The following GNAI3 variants were observed in gnomAD, a reference collection of about 807,000 sequenced individuals.
GNAI3 encodes G protein subunit alpha i3.
GNAI3 carries 12 observed loss-of-function variants against 41.8 expected under a neutral mutation model. That is an observed-to-expected ratio of 0.29 (90% CI 0.18 to 0.47). The LOEUF is 0.47. Among genes scored for constraint, GNAI3 ranks in the 20% least tolerant of loss-of-function variants. The pLI, the probability that GNAI3 is intolerant of heterozygous loss-of-function variation, is 1.00. For synonymous variants in GNAI3, 132 were observed against 146.5 expected, an observed-to-expected ratio of 0.90 and a Z score of 0.71; for missense variants, 360 against 429.6, an observed-to-expected ratio of 0.84 and a Z score of 1.43.
chr1:109,554,371 A>G (rs1648088207), intron 1 of GNAI3, among the ~76,000 whole-genome samples: 1 of 152,066 alleles, frequency 6.6e-6, no homozygotes, highest in South Asian at 2.1e-4. Context: ...TTCCCTTTTC[A>G]TCACATCCAC....
At chr1:109,580,071 C>T (rs985731721) in intron 4 of GNAI3, among the ~76,000 whole-genome samples, 6 of 152,124 alleles carry the variant, frequency 3.9e-5, no homozygotes, top group East Asian at 1.9e-4. Context: ...GCTCCATCTC[C>T]GCTCACTGCA....
chr1:109,591,775 C>T (rs906347820), intron 7 of GNAI3: 13 of 375,412 alleles, frequency 3.5e-5, no homozygotes, highest in African/African-American at 6.2e-5. Flanking sequence ...ATTTTTTTAG[C>T]TGAAAAGTCT....
intron 7 of GNAI3, chr1:109,591,629 C>T: frequency 2.3e-6 from 1 of 443,690 alleles, no homozygotes; most frequent in African/African-American, 2.0e-5. Flanking sequence ...CATGTGCTAC[C>T]AAAGCAAGCA....
chr1:109,600,131 A>C lies in GNAI3; in HGVS notation c.*7809A>C, dbSNP rs1466725943. On this transcript the variant is annotated 3_prime_UTR_variant, in exon 9 of 9. Coordinates refer to ENST00000369851, the MANE Select transcript of GNAI3 (RefSeq NM_006496.4). ...AAATATTTGTTTCTGATCTGGTTAC[A>C]AAAAAAAAAAAAACTTGATGGCTTA... 1 of 75,026 alleles carries C rather than the reference A, an allele frequency of 1.3e-5. No homozygotes were observed. The highest frequency in any genetic ancestry group is 2.4e-5 in the Non-Finnish European group (1 of 42,262). The allele number at this position is 75,026 out of a possible 1,614,324, so 4.6% of individuals were successfully genotyped here.
chr1:109,557,224 C>T (rs1648179339), intron 1 of GNAI3, among the ~76,000 whole-genome samples: 1 of 152,202 alleles, frequency 6.6e-6, no homozygotes, highest in African/African-American at 2.4e-5. Flanking sequence ...TGTGAGTCAC[C>T]ATGCCTCGCC....
Position 109,593,858 on chromosome 1 carries a change from C to G in GNAI3, c.*1536C>G, listed in dbSNP as rs1233048484. On this transcript the variant is annotated 3_prime_UTR_variant, in exon 9 of 9. Transcript: ENST00000369851. ...ACAAATGAAGAGAATGCATTTTGAG[C>G]ATTTCAAATCAGTAGTTTGGGCAGT... is the stretch of plus-strand genomic sequence containing the variant. 6.6e-6 allele frequency: 1 copy of G among 152,554 alleles called. No individual in the cohort carries two copies. The highest frequency in any genetic ancestry group is 1.5e-5 in the Non-Finnish European group (1 of 68,026). The allele number at this position is 152,554 out of a possible 1,614,324, so 9.5% of individuals were successfully genotyped here. A position where few individuals can be genotyped will look rare whatever the true frequency, so the allele number is the denominator to read the frequency against.
intron 1 of GNAI3, among the ~76,000 whole-genome samples, chr1:109,555,561 G>A (rs954101248): frequency 9.9e-5 from 15 of 151,964 alleles, no homozygotes; most frequent in Admixed American, 2.6e-4. Flanking sequence ...CCCTGACTAC[G>A]CTATTCCTGT....
chr1:109,569,148 A>G (rs1351559173), intron 1 of GNAI3, among the ~76,000 whole-genome samples: 2 of 152,132 alleles, frequency 1.3e-5, no homozygotes, highest in Non-Finnish European at 2.9e-5. Context: ...CTTATATAGG[A>G]TATCCTTTAA....
chr1:109,586,684 T>G, intron 6 of GNAI3, 45 bp from the exon 7 acceptor site: 1 of 1,425,402 alleles, frequency 7.0e-7, no homozygotes, highest in African/African-American at 1.4e-5. Flanking sequence ...CTTAATCCAC[T>G]TTTACTATTT....
Position 109,548,803 on chromosome 1 carries a change from A to G in GNAI3, c.83A>G (p.Glu28Gly). 1 of 1,608,878 alleles carries G rather than the reference A, an allele frequency of 6.2e-7. No individual in the cohort carries two copies. Among genetic ancestry groups the G allele is most frequent in the Non-Finnish European group, 8.5e-7 (1 of 1,176,472 alleles). Residue 28 changes from glutamate to glycine, a missense_variant, in exon 1 of 9, where the codon GAA (glutamate) becomes GGA (glycine). Physicochemically the swap from Glu to Gly is moderately conservative, Grantham distance 98. Coordinates refer to ENST00000369851, the MANE Select transcript of GNAI3 (RefSeq NM_006496.4). ...GACCGCAACTTACGGGAGGACGGGGAAAAAGCGGCCAAAGAAGTGAAGCTG... is the reference window on the plus strand; with the variant it reads ...GACCGCAACTTACGGGAGGACGGGGGAAAAGCGGCCAAAGAAGTGAAGCTG... ...MIDRNLREDGEKAAKEVKLLL... is the reference protein window; with the variant it reads ...MIDRNLREDGGKAAKEVKLLL...
chr1:109,585,113 C>G (rs536093907), intron 5 of GNAI3, among the ~76,000 whole-genome samples: 11 of 152,320 alleles, frequency 7.2e-5, no homozygotes, highest in Admixed American at 3.3e-4. Flanking sequence ...ATGTAGGCCT[C>G]TAGTCACTAT....
At position 109,579,197 on chromosome 1, in the gene GNAI3, T is replaced by C. The variant is rs1648829148; in HGVS notation, c.304-7T>C. ...TCATCTGTCTCTTTCTTAACTGCTT[T>C]CTTCAGGATGATGCCCGGCAATTAT... On this transcript the variant is annotated splice_region_variant and splice_polypyrimidine_tract_variant and intron_variant, in intron 3 of 8. Transcript: ENST00000369851. 6.2e-7 allele frequency: 1 copy of C among 1,605,864 alleles called. No individual in the cohort carries two copies. Among genetic ancestry groups the C allele is most frequent in the Non-Finnish European group, 8.5e-7 (1 of 1,175,842 alleles).
At chr1:109,558,789 G>T (rs1648227481) in intron 1 of GNAI3, among the ~76,000 whole-genome samples, 1 of 152,160 alleles carries the variant, frequency 6.6e-6, no homozygotes, top group Admixed American at 6.5e-5. Context: ...ATAGAGTTTA[G>T]CTATCCATGC....
intron 8 of GNAI3, 45 bp downstream of exon 8, chr1:109,592,300 T>C (rs1649193336): frequency 1.9e-6 from 2 of 1,057,264 alleles, no homozygotes; most frequent in Non-Finnish European, 2.8e-6. Flanking sequence ...GTGATGTCTC[T>C]TGGTTTTTAA....
At chr1:109,575,091 T>G (rs1648701096) in intron 3 of GNAI3, among the ~76,000 whole-genome samples, 1 of 152,202 alleles carries the variant, frequency 6.6e-6, no homozygotes, top group East Asian at 1.9e-4. Flanking sequence ...TATCAAAAAA[T>G]AAGAAAATAT....
intron 1 of GNAI3, among the ~76,000 whole-genome samples, chr1:109,570,961 A>G (rs937709879): frequency 2.0e-5 from 3 of 152,224 alleles, no homozygotes; most frequent in African/African-American, 7.2e-5. Context: ...ATCTAGGCCT[A>G]TGGTTTCCAA....
intron 1 of GNAI3, among the ~76,000 whole-genome samples, chr1:109,551,015 G>A (rs1157829607): frequency 6.6e-6 from 1 of 152,150 alleles, no homozygotes; most frequent in Non-Finnish European, 1.5e-5. Flanking sequence ...TTGGATAGGC[G>A]GAACTTGTCC....
rs1373468798 is a variant in GNAI3 at position 109,592,267 on chromosome 1, T to C, written c.*22+12T>C. 5 of 1,413,720 alleles carry C rather than the reference T, an allele frequency of 3.5e-6. No individual in the cohort carries two copies. The highest frequency in any genetic ancestry group is 2.3e-5 in the East Asian group (1 of 43,800). The allele number at this position is 1,413,720 out of a possible 1,614,324, so 87.6% of individuals were successfully genotyped here. On this transcript the variant is annotated intron_variant, in intron 8 of 8. Coordinates refer to ENST00000369851, the MANE Select transcript of GNAI3 (RefSeq NM_006496.4). ...GATGTTAGTGAAAGGTAAAGTTTCA[T>C]ACAAGGTAGTTATAGTGCTACAGTG...
intron 7 of GNAI3, among the ~76,000 whole-genome samples, chr1:109,590,478 T>A (rs1649144953): frequency 6.6e-6 from 1 of 152,206 alleles, no homozygotes. Context: ...CCTCCTTTAA[T>A]TTACAGAGGT....
Sources: gnomAD v4.1 joint callset for allele counts (sites outside exome capture counted in the v4.1 genomes callset) on GRCh38, gnomAD v4.1.1 for gene constraint, MANE v1.5 for transcripts, NCBI Gene and HGNC (gene_info 2026-07-23, HGNC 2026-07-21) for gene names.